The following FRAS1 variants were observed in gnomAD, a reference collection of about 807,000 sequenced individuals.
FRAS1 encodes the protein Fraser extracellular matrix complex subunit 1.
FRAS1 carries 290 observed loss-of-function variants against 435.2 expected under a neutral mutation model. The ratio of observed to expected loss-of-function variants is 0.67; its 90% CI spans 0.61 to 0.73. The LOEUF (loss-of-function observed/expected upper bound fraction) is 0.73. Among genes scored for constraint, FRAS1 ranks in the 30% least tolerant of loss-of-function variants. The pLI is 0.00. For synonymous variants in FRAS1, 1,800 were observed against 1,851.0 expected (o/e 0.97, Z 0.71); for missense variants, 4,860 against 5,001.5 (o/e 0.97, Z 0.85).
intron 3 of FRAS1, among the ~76,000 whole-genome samples, chr4:78,242,791 T>G (rs945686717): frequency 6.6e-6 from 1 of 152,198 alleles, no homozygotes; most frequent in African/African-American, 2.4e-5. Context: ...TTTGAAGCAA[T>G]TTGTTTTGGC....
chr4:78,509,475 C>CTTTTTTTTTTTTTTTTTTTTTTTTTTTT (rs1560418759), intron 63 of FRAS1, among the ~76,000 whole-genome samples: 4 of 152,174 alleles, frequency 2.6e-5, no homozygotes, highest in African/African-American at 7.2e-5. Flanking sequence ...TACCACATTT[C>CTTTTTTTTTTTTTTTTTTTTTTTTTTTT]TGTAATGCAG....
intron 18 of FRAS1, among the ~76,000 whole-genome samples, chr4:78,323,838 T>A (rs1729605427): frequency 6.7e-6 from 1 of 148,498 alleles, no homozygotes; most frequent in African/African-American, 2.6e-5. Context: ...GGTTGAAGGA[T>A]TTTTTTTTTC....
At chr4:78,337,346 C>T (rs1730209553) in intron 19 of FRAS1, among the ~76,000 whole-genome samples, 2 of 152,314 alleles carry the variant, frequency 1.3e-5, no homozygotes. Flanking sequence ...AGTCCTACCA[C>T]TCGTGTTTCT....
intron 2 of FRAS1, among the ~76,000 whole-genome samples, chr4:78,234,350 C>G (rs34179601): frequency 6.6e-6 from 1 of 151,752 alleles, no homozygotes; most frequent in African/African-American, 2.4e-5. Context: ...CTCTGCCTCC[C>G]GAGTAGCTGG....
chr4:78,360,462 A>G (rs1284481077), intron 20 of FRAS1, among the ~76,000 whole-genome samples: 1 of 152,220 alleles, frequency 6.6e-6, no homozygotes, highest in East Asian at 1.9e-4. Context: ...GTTAAGGTTG[A>G]AAAGAGAGAT....
chr4:78,193,778 G>A (rs1236851708), intron 2 of FRAS1, among the ~76,000 whole-genome samples: 1 of 152,054 alleles, frequency 6.6e-6, no homozygotes, highest in Non-Finnish European at 1.5e-5. Context: ...TACATTTAAG[G>A]TTAATATTGT....
At position 78,281,419 on chromosome 4, in the gene FRAS1, G is replaced by T. The variant is rs780605912; in HGVS notation, c.1093G>T (p.Val365Phe). 36 of 1,575,492 alleles carry T rather than the reference G, an allele frequency of 2.3e-5. No individual in the cohort carries two copies. Among genetic ancestry groups the T allele is most frequent in the Non-Finnish European group, 3.1e-5 (36 of 1,162,246 alleles). The change falls in exon 11 of 74, where the codon GTT becomes TTT. Residue 365 changes from valine to phenylalanine, a missense_variant. Val to Phe is a conservative substitution (Grantham distance 50). Transcript: ENST00000512123. ...CTAGATGTCATCAAATGCTAGTGAA[G>T]TTAAACGTATTCCAGTAAGTATAGC... ...GEFMSSNASE[V>F]KRIPEGEKWE...
intron 56 of FRAS1, among the ~76,000 whole-genome samples, chr4:78,480,923 A>C (rs1347377147): frequency 1.3e-5 from 2 of 152,212 alleles, no homozygotes; most frequent in Non-Finnish European, 2.9e-5. Context: ...ATTCTCACTT[A>C]ATATTCTATG....
intron 14 of FRAS1, among the ~76,000 whole-genome samples, chr4:78,288,006 G>T (rs59522692): frequency 0.045 from 6,854 of 152,268 alleles, 541 homozygotes; most frequent in African/African-American, 0.15. Context: ...ACAAAGTTCT[G>T]AGCATTGTTG....
intron 70 of FRAS1, among the ~76,000 whole-genome samples, chr4:78,527,131 T>G (rs1721559485): frequency 6.6e-6 from 1 of 152,190 alleles, no homozygotes. Context: ...TGTTAATTGG[T>G]TGATATAAAT....
At chr4:78,131,287 C>T (rs551721146) in intron 2 of FRAS1, among the ~76,000 whole-genome samples, 39 of 152,226 alleles carry the variant, frequency 2.6e-4, no homozygotes, top group African/African-American at 8.7e-4. Flanking sequence ...AACCTCTTGT[C>T]GACTAGATAT....
At position 78,513,569 on chromosome 4, in the gene FRAS1, C is replaced by T; in HGVS notation, c.10174+17C>T. Reference sequence around the variant, plus strand: ...GCATCTCAGGTGAGATTGACAAGTTCAGGACTGGTCTTTCCATGCTAGCCC... The same window carrying T: ...GCATCTCAGGTGAGATTGACAAGTTTAGGACTGGTCTTTCCATGCTAGCCC... On this transcript the variant is annotated intron_variant, in intron 65 of 73. Transcript: ENST00000512123. 1 of 1,610,280 alleles carries T rather than the reference C, an allele frequency of 6.2e-7. No homozygotes were observed. The highest frequency in any genetic ancestry group is 1.1e-5 in the South Asian group (1 of 90,834).
chr4:78,482,011 G>A lies in FRAS1; in HGVS notation c.8604+47G>A, dbSNP rs745471945. The A allele has an allele frequency of 3.2e-6, 5 of 1,577,628 alleles. No homozygotes were observed. In the South Asian group the frequency reaches 5.8e-5, roughly 18 times the overall value. ...CTCCACAAAGTTGACAGGTCGGTTT[G>A]TGAATGTTGTCTTTAGTTTGCTTCC... is the stretch of plus-strand genomic sequence containing the variant. On this transcript the variant is annotated intron_variant, in intron 57 of 73. Transcript: ENST00000512123.
chr4:78,301,869 T>A (rs1728421670), intron 14 of FRAS1, among the ~76,000 whole-genome samples: 3 of 148,320 alleles, frequency 2.0e-5, no homozygotes, highest in Admixed American at 6.7e-5. Context: ...TTTTTTTTTT[T>A]ATACTTTAAG....
rs58962823 is a variant in FRAS1 at position 78,423,434 on chromosome 4, G to GGATGACAGGCAT, written c.4679-952_4679-951insTGACAGGCATGA. 4.7e-3 allele frequency among the ~76,000 whole-genome samples: 716 copies of GGATGACAGGCAT among 151,978 alleles called. 3 individuals are homozygous for GGATGACAGGCAT. The highest frequency in any genetic ancestry group is 0.016 in the African/African-American group (676 of 41,506). The stretch of plus-strand genomic sequence containing the variant: ...CCTGCCTTGGCCTCCCAAAGTGCTG[G>GGATGACAGGCAT]GAGCCACTGCTCCCAGCCACTAGTG... On this transcript the variant is annotated intron_variant, in intron 34 of 73. Coordinates refer to ENST00000512123, the MANE Select transcript of FRAS1 (RefSeq NM_025074.7).
At chr4:78,513,247 A>T (rs946530150) in intron 64 of FRAS1, 145 bp from the exon 65 acceptor site, 141 of 709,626 alleles carry the variant, frequency 2.0e-4, no homozygotes, top group Non-Finnish European at 3.2e-4. Context: ...CCCTGTTCAG[A>T]TAGAAATCCT....
chr4:78,458,900 A>G (rs1475337044), intron 47 of FRAS1, among the ~76,000 whole-genome samples: 1 of 152,184 alleles, frequency 6.6e-6, no homozygotes, highest in East Asian at 1.9e-4. Context: ...GGCCTATGTG[A>G]CTCATATAGA....
At chr4:78,423,533 A>G (rs1011180320) in intron 34 of FRAS1, among the ~76,000 whole-genome samples, 1 of 152,210 alleles carries the variant, frequency 6.6e-6, no homozygotes, top group Non-Finnish European at 1.5e-5. Context: ...TTTATACAGT[A>G]GCTTTATTCA....
At chr4:78,443,774 A>G (rs899998775) in intron 41 of FRAS1, among the ~76,000 whole-genome samples, 2 of 152,252 alleles carry the variant, frequency 1.3e-5, no homozygotes. Flanking sequence ...CACTTGTTTA[A>G]TAGCTTGTTC....
Sources: gnomAD v4.1 joint callset for allele counts (sites outside exome capture counted in the v4.1 genomes callset) on GRCh38, gnomAD v4.1.1 for gene constraint, MANE v1.5 for transcripts, NCBI Gene and HGNC (gene_info 2026-07-23, HGNC 2026-07-21) for gene names.